The following SLC24A2 variants were observed in gnomAD, a reference collection of about 807,000 sequenced individuals.
SLC24A2 encodes the protein sodium/potassium/calcium exchanger 2.
A neutral mutation model predicts 62.0 loss-of-function variants in SLC24A2; 36 were observed. That is an observed-to-expected ratio of 0.58 (90% CI 0.44 to 0.77). The LOEUF (loss-of-function observed/expected upper bound fraction) is 0.77. Ranked by LOEUF, SLC24A2 falls within the 30% of genes least tolerant of loss-of-function variation. The pLI is 0.00. For missense variants in SLC24A2, 846 were observed against 817.9 expected, an observed-to-expected ratio of 1.03 and a Z score of -0.42; for synonymous variants, 358 against 294.0, an observed-to-expected ratio of 1.22 and a Z score of -2.23.
At chr9:20,269,764 G>C in the SLC24A2 span, among the ~76,000 whole-genome samples, 1 of 152,094 alleles carries the variant, frequency 6.6e-6, no homozygotes, top group Non-Finnish European at 1.5e-5. Flanking sequence ...GTCAATCTGA[G>C]TCATATGGCT....
chr9:19,517,011 CTTACA>C (rs1433058848), intron 10 of SLC24A2, among the ~76,000 whole-genome samples: 1 of 152,172 alleles, frequency 6.6e-6, no homozygotes, highest in Non-Finnish European at 1.5e-5. Context: ...AAGGCAGTAT[CTTACA>C]TTTGTGATGT....
At chr9:19,990,146 A>G in the SLC24A2 span, among the ~76,000 whole-genome samples, 2 of 152,190 alleles carry the variant, frequency 1.3e-5, no homozygotes, top group African/African-American at 2.4e-5. Flanking sequence ...AATCATCACC[A>G]TAATCCTGTA....
At chr9:20,052,103 T>G in the SLC24A2 span, among the ~76,000 whole-genome samples, 1 of 152,194 alleles carries the variant, frequency 6.6e-6, no homozygotes, top group East Asian at 1.9e-4. Flanking sequence ...GTTTCAATAT[T>G]GCTGATTAGA....
chr9:19,551,488 A>G (rs897656020), intron 7 of SLC24A2, among the ~76,000 whole-genome samples: 16 of 152,296 alleles, frequency 1.1e-4, no homozygotes, highest in Admixed American at 5.2e-4. Flanking sequence ...TGTAGACATC[A>G]TCAATCACTC....
At chr9:19,556,287 C>A (rs1835083342) in intron 7 of SLC24A2, among the ~76,000 whole-genome samples, 1 of 152,170 alleles carries the variant, frequency 6.6e-6, no homozygotes, top group Non-Finnish European at 1.5e-5. Flanking sequence ...AAATAAACAT[C>A]AGGTCTTCGG....
chr9:19,857,379 A>C, the SLC24A2 span, among the ~76,000 whole-genome samples: 1 of 152,148 alleles, frequency 6.6e-6, no homozygotes, highest in Admixed American at 6.5e-5. Flanking sequence ...ACATCTACAA[A>C]GTTATTTTTA....
chr9:20,079,327 C>A, the SLC24A2 span, among the ~76,000 whole-genome samples: 1 of 152,176 alleles, frequency 6.6e-6, no homozygotes, highest in African/African-American at 2.4e-5. Context: ...AAAAAATACT[C>A]TTGTTAAAGT....
At chr9:19,981,379 T>C in the SLC24A2 span, among the ~76,000 whole-genome samples, 1 of 152,270 alleles carries the variant, frequency 6.6e-6, no homozygotes, top group Admixed American at 6.5e-5. Flanking sequence ...GCAGGAACTC[T>C]CTATAGTATT....
At chr9:20,014,769 G>C in the SLC24A2 span, among the ~76,000 whole-genome samples, 1 of 151,924 alleles carries the variant, frequency 6.6e-6, no homozygotes, top group Non-Finnish European at 1.5e-5. Context: ...TTGTCCAAAG[G>C]GTACAAAGTT....
the SLC24A2 span, among the ~76,000 whole-genome samples, chr9:19,945,822 G>A: frequency 6.6e-6 from 1 of 152,104 alleles, no homozygotes; most frequent in African/African-American, 2.4e-5. Flanking sequence ...TGAATAAACT[G>A]GTTTTATCCA....
the SLC24A2 span, among the ~76,000 whole-genome samples, chr9:20,070,809 T>C: frequency 7.9e-5 from 12 of 152,232 alleles, no homozygotes; most frequent in South Asian, 2.5e-3. Flanking sequence ...TAAGAAAAGG[T>C]AGAGAGAATA....
chr9:19,682,976 G>A (rs1239565564), intron 2 of SLC24A2, among the ~76,000 whole-genome samples: 4 of 151,974 alleles, frequency 2.6e-5, no homozygotes, highest in Non-Finnish European at 4.4e-5. Flanking sequence ...TTTCAAAAAA[G>A]GTTTAGAGTA....
At chr9:19,533,822 A>G (rs1006226442) in intron 8 of SLC24A2, among the ~76,000 whole-genome samples, 8 of 152,232 alleles carry the variant, frequency 5.3e-5, no homozygotes, top group Non-Finnish European at 1.0e-4. Context: ...TACAAGGTCA[A>G]ATCTAACAAA....
chr9:19,689,180 C>T (rs754432973), intron 2 of SLC24A2, among the ~76,000 whole-genome samples: 7 of 152,034 alleles, frequency 4.6e-5, no homozygotes, highest in Non-Finnish European at 7.4e-5. Flanking sequence ...ATTAAGTGGC[C>T]TAAGTTGTAA....
At chr9:20,122,815 C>T in the SLC24A2 span, among the ~76,000 whole-genome samples, 6 of 152,248 alleles carry the variant, frequency 3.9e-5, no homozygotes, top group South Asian at 2.1e-4. Context: ...TTTGGATAAG[C>T]GCACATATTT....
the SLC24A2 span, among the ~76,000 whole-genome samples, chr9:20,211,429 T>G: frequency 6.6e-6 from 1 of 152,112 alleles, no homozygotes; most frequent in Non-Finnish European, 1.5e-5. Flanking sequence ...GGAGAATTGC[T>G]TGAACCCAGG....
chr9:19,802,404 T>C, the SLC24A2 span, among the ~76,000 whole-genome samples: 2 of 152,226 alleles, frequency 1.3e-5, no homozygotes, highest in Non-Finnish European at 2.9e-5. Flanking sequence ...ATATACTGAA[T>C]ACAAATACCC....
chr9:19,521,544 T>C (rs1644141450), intron 9 of SLC24A2, among the ~76,000 whole-genome samples: 1 of 152,232 alleles, frequency 6.6e-6, no homozygotes, highest in Admixed American at 6.5e-5. Flanking sequence ...CACTTCAAGA[T>C]GCTATAATTT....
At chr9:20,108,030 T>C in the SLC24A2 span, among the ~76,000 whole-genome samples, 1 of 152,064 alleles carries the variant, frequency 6.6e-6, no homozygotes, top group Non-Finnish European at 1.5e-5. Context: ...CATCAAAAAG[T>C]GGTTGAAGGA....
Sources: allele counts gnomAD v4.1 joint callset (sites outside exome capture counted in the v4.1 genomes callset), GRCh38; gene constraint gnomAD v4.1.1; transcripts MANE v1.5; gene names NCBI Gene and HGNC (gene_info 2026-07-23, HGNC 2026-07-21).